Variants in STIMATE observed in about 807,000 individuals in gnomAD.
STIMATE encodes the protein store-operated calcium entry regulator STIMATE.
STIMATE carries 15 observed loss-of-function variants against 36.7 expected under a neutral mutation model. The ratio of observed to expected loss-of-function variants is 0.41; its 90% CI spans 0.27 to 0.63. The LOEUF (loss-of-function observed/expected upper bound fraction) is 0.63, where lower values mean the gene tolerates loss of function less well. Among genes scored for constraint, STIMATE ranks in the 20% least tolerant of loss-of-function variants. The pLI is 0.32. For missense variants in STIMATE, 305 were observed against 397.3 expected (o/e 0.77, Z 1.98); for synonymous variants, 163 against 162.3 (o/e 1.00, Z -0.03).
intron 4 of STIMATE, chr3:52,848,575 A>C (rs1342852702): frequency 6.6e-6 from 1 of 152,208 alleles, no homozygotes; most frequent in East Asian, 1.9e-4. Flanking sequence ...ACTGCAAAGT[A>C]GTTGTGAGCA....
Position 52,892,410 on chromosome 3 carries a change from G to T in STIMATE, c.160+4881C>A, listed in dbSNP as rs1248057879. Among the ~76,000 whole-genome samples the T allele has an allele frequency of 2.0e-5, 3 of 152,164 alleles. No individual in the cohort carries two copies. In the East Asian group the frequency reaches 5.8e-4, roughly 29 times the overall value. On this transcript the variant is annotated intron_variant, in intron 1 of 7. Transcript: ENST00000355083. ...GAAAACCTGAAAACTTTCTAAAAAT[G>T]AAAGCTCTGAGCCAGCCAGTATGCT...
At chr3:52,857,656 T>C (rs896177700) in intron 1 of STIMATE, among the ~76,000 whole-genome samples, 2 of 152,002 alleles carry the variant, frequency 1.3e-5, no homozygotes, top group African/African-American at 4.8e-5. Context: ...GGGGAATATA[T>C]TATACATTAT....
chr3:52,883,213 C>T (rs765765862), intron 1 of STIMATE, among the ~76,000 whole-genome samples: 10 of 152,166 alleles, frequency 6.6e-5, no homozygotes, highest in Admixed American at 2.0e-4. Flanking sequence ...TTCTCACCGG[C>T]TATAGAATCC....
chr3:52,857,017 T>C (rs968150307), intron 1 of STIMATE, among the ~76,000 whole-genome samples: 1 of 152,170 alleles, frequency 6.6e-6, no homozygotes, highest in African/African-American at 2.4e-5. Context: ...AGATGCCTTG[T>C]TACTCCTGGT....
At chr3:52,841,410 T>C (rs547578969) in intron 7 of STIMATE, among the ~76,000 whole-genome samples, 12 of 152,338 alleles carry the variant, frequency 7.9e-5, no homozygotes, top group East Asian at 7.7e-4. Context: ...CAGCGGCACT[T>C]TGCTGTTCTA....
At chr3:52,889,013 C>T (rs969077115) in intron 1 of STIMATE, among the ~76,000 whole-genome samples, 3 of 152,158 alleles carry the variant, frequency 2.0e-5, no homozygotes, top group Admixed American at 1.3e-4. Context: ...CCAGCCTCTG[C>T]CTCCTCCTCC....
intron 1 of STIMATE, among the ~76,000 whole-genome samples, chr3:52,872,410 T>A (rs1001716902): frequency 1.3e-5 from 2 of 152,208 alleles, no homozygotes; most frequent in Non-Finnish European, 2.9e-5. Context: ...TTTCATGAAT[T>A]TCTGTGATGG....
At chr3:52,881,806 T>C (rs968950409) in intron 1 of STIMATE, among the ~76,000 whole-genome samples, 4 of 152,238 alleles carry the variant, frequency 2.6e-5, no homozygotes, top group Non-Finnish European at 2.9e-5. Flanking sequence ...ATAAGCCCAA[T>C]AGATAAATAT....
At chr3:52,876,221 A>G (rs1010837046) in intron 1 of STIMATE, among the ~76,000 whole-genome samples, 23 of 152,220 alleles carry the variant, frequency 1.5e-4, no homozygotes, top group African/African-American at 5.1e-4. Context: ...AGAGCAGTTA[A>G]GGAACTTGCT....
At position 52,859,531 on chromosome 3, in the gene STIMATE, A is replaced by AAATTT. The variant is rs748928249; in HGVS notation, c.161-4088_161-4087insAAATT. Among the ~76,000 whole-genome samples, 91 of 18,840 alleles carry AAATTT rather than the reference A, an allele frequency of 4.8e-3. 3 individuals carry two copies. Among genetic ancestry groups the AAATTT allele is most frequent in the Non-Finnish European group, 6.8e-3 (58 of 8,550 alleles). The allele number at this position is 18,840 out of a possible 152,430, so 12.4% of individuals were successfully genotyped here. On this transcript the variant is annotated intron_variant, in intron 1 of 7. Transcript: ENST00000355083. The stretch of plus-strand genomic sequence containing the variant: ...AAAAAAAAAAAAAAAAAAAAAAAAA[A>AAATTT]TTTTTTTTTTTTTTTTTTTTTTGCT...
intron 6 of STIMATE, chr3:52,843,164 A>T (rs1355740179): frequency 2.1e-5 from 22 of 1,029,148 alleles, no homozygotes; most frequent in Non-Finnish European, 2.9e-5. Flanking sequence ...TTCTGATCAG[A>T]GTGTGCAAGG....
At chr3:52,865,403 T>C (rs531483761) in intron 1 of STIMATE, among the ~76,000 whole-genome samples, 2 of 152,306 alleles carry the variant, frequency 1.3e-5, no homozygotes, top group African/African-American at 4.8e-5. Context: ...TGGTACCAAT[T>C]TACAGTATGA....
At chr3:52,852,300 G>T (rs190476787) in intron 3 of STIMATE, among the ~76,000 whole-genome samples, 1 of 152,194 alleles carries the variant, frequency 6.6e-6, no homozygotes, top group East Asian at 1.9e-4. Flanking sequence ...CCTTGCCAGG[G>T]GCGGCTTGGA....
chr3:52,846,426 G>C (rs76252265), intron 4 of STIMATE: 2 of 152,228 alleles, frequency 1.3e-5, no homozygotes, highest in Non-Finnish European at 2.9e-5. Flanking sequence ...TTTGAGGACA[G>C]TTGGACAGAA....
chr3:52,859,502 CA>C (rs34298807), intron 1 of STIMATE, among the ~76,000 whole-genome samples: 20 of 15,646 alleles, frequency 1.3e-3, no homozygotes, highest in African/African-American at 3.9e-3. Context: ...CCCATTTCTC[CA>C]AAAAAAAAAA....
In STIMATE at chr3:52,839,352, G is replaced by T. The variant is rs1700758272; in HGVS notation, c.*1142C>A. The T allele has an allele frequency of 6.6e-6, 1 of 152,436 alleles. No homozygotes were observed. Among genetic ancestry groups the T allele is most frequent in the African/African-American group, 2.4e-5 (1 of 41,460 alleles). The allele number at this position is 152,436 out of a possible 1,614,324, so 9.4% of individuals were successfully genotyped here. ...GGAGGCTCCTGGCGCTGAGTCCAGA[G>T]GCTGGCTCTGAAGGCTGCAGCAGTG... On this transcript the variant is annotated 3_prime_UTR_variant, in exon 8 of 8. Transcript: ENST00000355083.
At chr3:52,843,212 G>A in intron 6 of STIMATE, 1 of 620,396 alleles carries the variant, frequency 1.6e-6, no homozygotes, top group South Asian at 2.3e-5. Context: ...GTAACTAGGG[G>A]GAACAGCCTG....
chr3:52,890,298 A>G (rs945118635), intron 1 of STIMATE, among the ~76,000 whole-genome samples: 1 of 152,236 alleles, frequency 6.6e-6, no homozygotes, highest in East Asian at 1.9e-4. Flanking sequence ...AGAGATCCTG[A>G]TAGTCCACTG....
Position 52,839,059 on chromosome 3 carries a change from CCA to C in STIMATE, c.*1433_*1434del, listed in dbSNP as rs3041478. The stretch of plus-strand genomic sequence containing the variant: ...GGGAAACGGCTGGGGTCAGCCCATT[CCA>C]CAGTCACTCAGCAAACTCCCAAAAC... On this transcript the variant is annotated 3_prime_UTR_variant, in exon 8 of 8. Coordinates refer to ENST00000355083, the MANE Select transcript of STIMATE (RefSeq NM_198563.5). 135,293 of 152,002 alleles carry C rather than the reference CCA, an allele frequency of 0.89. 62,111 individuals carry two copies. The highest frequency in any genetic ancestry group is 1 in the Non-Finnish European group (67,939 of 68,028). 9.4% of individuals were successfully genotyped at this position (152,002 alleles called of 1,614,324 possible).
Sources: gnomAD v4.1 joint callset for allele counts (sites outside exome capture counted in the v4.1 genomes callset) on GRCh38, gnomAD v4.1.1 for gene constraint, MANE v1.5 for transcripts, NCBI Gene and HGNC (gene_info 2026-07-23, HGNC 2026-07-21) for gene names.